PCGF3: variants seen among roughly 807,000 people sequenced by gnomAD.
PCGF3 encodes the protein polycomb group RING finger protein 3.
In PCGF3, 7 loss-of-function variants were observed where a neutral mutation model predicts 33.1. The ratio of observed to expected loss-of-function variants is 0.21; its 90% CI spans 0.12 to 0.40. The LOEUF is 0.40. PCGF3 is among the 10% of genes least tolerant of loss of function. The pLI, the probability that PCGF3 is intolerant of heterozygous loss-of-function variation, is 1.00. For missense variants in PCGF3, 211 were observed against 313.3 expected (o/e 0.67, Z 2.46); for synonymous variants, 153 against 121.3 (o/e 1.26, Z -1.72).
chr4:730,198 A>C (rs1425583435), intron 1 of PCGF3, among the ~76,000 whole-genome samples: 1 of 152,206 alleles, frequency 6.6e-6, no homozygotes. Context: ...TGTGCACAGC[A>C]GCAGAATTGC....
At chr4:738,003 G>A (rs773561082) in intron 6 of PCGF3, among the ~76,000 whole-genome samples, 60 of 152,250 alleles carry the variant, frequency 3.9e-4, no homozygotes, top group Non-Finnish European at 6.0e-4. Flanking sequence ...CCCTGAAAGT[G>A]GAAATCGGTT....
rs920161177 is a variant in PCGF3, at chr4:734,522, A to G, written c.110-409A>G. 6 of 1,197,332 alleles carry G rather than the reference A, an allele frequency of 5.0e-6. No individual in the cohort carries two copies. In the African/African-American group the frequency reaches 7.8e-5, roughly 16 times the overall value. 74.2% of individuals were successfully genotyped at this position (1,197,332 alleles called of 1,614,324 possible). A position where few individuals can be genotyped will look rare whatever the true frequency, so the allele number is the denominator to read the frequency against. Reference sequence around the variant, plus strand: ...ATCGTATTTTTAGATATTGGTTAGCATATTTTATGTTAGGTTATTTTCATT... The same window carrying G: ...ATCGTATTTTTAGATATTGGTTAGCGTATTTTATGTTAGGTTATTTTCATT... On this transcript the variant is annotated intron_variant, in intron 4 of 10. Transcript: ENST00000362003.
At chr4:753,353 T>A (rs1744610908) in intron 8 of PCGF3, among the ~76,000 whole-genome samples, 1 of 152,042 alleles carries the variant, frequency 6.6e-6, no homozygotes, top group Non-Finnish European at 1.5e-5. Flanking sequence ...GCCTAGAACT[T>A]AATGTTTAAG....
rs915033129 is a variant in PCGF3, at chr4:744,171, G to A, written c.374-429G>A. Among the ~76,000 whole-genome samples, 7 of 152,216 alleles carry A rather than the reference G, an allele frequency of 4.6e-5. No individual in the cohort carries two copies. In the East Asian group the frequency reaches 1.3e-3, roughly 29 times the overall value. The stretch of plus-strand genomic sequence containing the variant: ...GTTAGGAAGCGAGTCTGGGAACCAA[G>A]CAGTCCTGTCAGAACCCTTTTACCT... On this transcript the variant is annotated intron_variant, in intron 7 of 10. Transcript: ENST00000362003.
chr4:748,839 T>G (rs1744386940), intron 8 of PCGF3, among the ~76,000 whole-genome samples: 2 of 152,132 alleles, frequency 1.3e-5, no homozygotes, highest in African/African-American at 4.8e-5. Context: ...TGGCCTTTGT[T>G]AGGTACTTGT....
rs2306243 is a variant in PCGF3, at chr4:743,382, A to C, written c.263-92A>C. The C allele has an allele frequency of 1.4e-3, 1,040 of 738,936 alleles. 12 individuals are homozygous for C. In the East Asian group the frequency reaches 0.024, roughly 17 times the overall value. 45.8% of individuals were successfully genotyped at this position (738,936 alleles called of 1,614,324 possible). A position where few individuals can be genotyped will look rare whatever the true frequency, so the allele number is the denominator to read the frequency against. The stretch of plus-strand genomic sequence containing the variant: ...GTAGCCTTCAAACTTCATAATGCAA[A>C]TCCCTAATTTTCTTTATGTGATGTT... On this transcript the variant is annotated intron_variant, in intron 6 of 10. Coordinates refer to ENST00000362003, the Ensembl canonical transcript of PCGF3.
At chr4:732,924 C>T (rs886073403) in intron 3 of PCGF3, among the ~76,000 whole-genome samples, 4 of 152,340 alleles carry the variant, frequency 2.6e-5, no homozygotes, top group East Asian at 3.9e-4. Flanking sequence ...GCGGTGACAT[C>T]GGGGGTCACC....
intron 1 of PCGF3, among the ~76,000 whole-genome samples, chr4:711,223 C>T (rs13131946): frequency 1.3e-5 from 2 of 152,224 alleles, no homozygotes; most frequent in African/African-American, 4.8e-5. Context: ...GCCGCACTCT[C>T]TAGACTACAG....
At chr4:732,748 G>A (rs750174455) in intron 3 of PCGF3, among the ~76,000 whole-genome samples, 1 of 152,224 alleles carries the variant, frequency 6.6e-6, no homozygotes, top group Non-Finnish European at 1.5e-5. Flanking sequence ...TCCCCACTGA[G>A]GGAAACTCGT....
intron 1 of PCGF3, among the ~76,000 whole-genome samples, chr4:708,841 C>T (rs1209138746): frequency 6.6e-6 from 1 of 152,106 alleles, no homozygotes; most frequent in Non-Finnish European, 1.5e-5. Context: ...GACAGTTGGT[C>T]CAAGTCAGGA....
intron 1 of PCGF3, among the ~76,000 whole-genome samples, chr4:707,213 G>A (rs1742344661): frequency 8.0e-6 from 1 of 125,754 alleles, no homozygotes. Flanking sequence ...CCACCTGGCA[G>A]GGCCCGGGGG....
intron 8 of PCGF3, 70 bp from the exon 9 acceptor site, chr4:761,209 T>A: frequency 7.4e-7 from 1 of 1,355,062 alleles, no homozygotes. Flanking sequence ...GTGAAATATG[T>A]CTAAGGAAGC....
intron 6 of PCGF3, among the ~76,000 whole-genome samples, chr4:738,011 G>T (rs1242965865): frequency 2.0e-5 from 3 of 152,230 alleles, no homozygotes; most frequent in Non-Finnish European, 4.4e-5. Flanking sequence ...GTGGAAATCG[G>T]TTGCTTGGGG....
chr4:712,053 A>G (rs758540077), intron 1 of PCGF3, among the ~76,000 whole-genome samples: 5 of 152,138 alleles, frequency 3.3e-5, no homozygotes, highest in South Asian at 2.1e-4. Flanking sequence ...TTGTTTATCT[A>G]TTTTTTATTA....
At chr4:743,435 T>C (rs1744181757) in intron 6 of PCGF3, 39 bp from the exon 7 acceptor site, 3 of 1,190,656 alleles carry the variant, frequency 2.5e-6, no homozygotes, top group Admixed American at 1.7e-5. Context: ...TAGAATCCAC[T>C]GCCTGTGAGA....
At chr4:730,421 T>A (rs1743503668) in intron 1 of PCGF3, among the ~76,000 whole-genome samples, 2 of 152,118 alleles carry the variant, frequency 1.3e-5, no homozygotes, top group Non-Finnish European at 2.9e-5. Context: ...TCCGATGCCT[T>A]GGGCCTGGGC....
chr4:744,663 A>G (rs769631183), exon 8 of PCGF3: 1 of 1,558,756 alleles, frequency 6.4e-7, no homozygotes, highest in Non-Finnish European at 8.7e-7. Context: ...GAGGAGGACA[A>G]CGACTACCAC....
chr4:765,938 C>T lies in PCGF3; in HGVS notation c.682-94C>T, dbSNP rs540575959. The T allele has an allele frequency of 2.0e-4, 227 of 1,112,176 alleles. No individual in the cohort carries two copies. The Admixed American group carries it at 3.2e-3, about 16-fold the overall frequency. The allele number at this position is 1,112,176 out of a possible 1,614,324, so 68.9% of individuals were successfully genotyped here. On this transcript the variant is annotated intron_variant, in intron 10 of 10. Transcript: ENST00000362003. ...AGCCCTGCATGTGGACTGTGCCTCA[C>T]GGGACGTGATTCCTCAGCACCCTTC...
chr4:755,552 T>G (rs1316910000), intron 8 of PCGF3, among the ~76,000 whole-genome samples: 2 of 152,210 alleles, frequency 1.3e-5, no homozygotes, highest in African/African-American at 4.8e-5. Flanking sequence ...TTTGACATAA[T>G]TAAATGTATC....
Sources: allele counts gnomAD v4.1 joint callset (sites outside exome capture counted in the v4.1 genomes callset), GRCh38; gene constraint gnomAD v4.1.1; transcripts MANE v1.5; gene names NCBI Gene and HGNC (gene_info 2026-07-23, HGNC 2026-07-21).